Variants in LGSN observed in about 807,000 individuals in gnomAD.
LGSN encodes lengsin.
Under a neutral mutation model 19.5 loss-of-function variants are expected in LGSN, and 21 were observed. The ratio of observed to expected loss-of-function variants is 1.07; its 90% CI spans 0.76 to 1.55. The LOEUF (loss-of-function observed/expected upper bound fraction) is 1.55. LGSN is among the 40% of genes most tolerant of loss of function. LGSN has a pLI of 0.00. For missense variants in LGSN, 673 were observed against 608.5 expected (o/e 1.11, Z -1.12); for synonymous variants, 257 against 215.6 (o/e 1.19, Z -1.68).
the LGSN span, among the ~76,000 whole-genome samples, chr6:63,331,429 C>G: frequency 6.6e-6 from 1 of 152,170 alleles, no homozygotes; most frequent in Non-Finnish European, 1.5e-5. Context: ...AATGAGCCAC[C>G]TCTTTTTCAG....
the LGSN span, among the ~76,000 whole-genome samples, chr6:63,525,902 T>C: frequency 6.6e-6 from 1 of 152,184 alleles, no homozygotes; most frequent in African/African-American, 2.4e-5. Flanking sequence ...TTCTAGTGAG[T>C]TGGGACATTA....
At chr6:63,287,710 A>G (rs571923682) in intron 2 of LGSN, among the ~76,000 whole-genome samples, 8 of 152,006 alleles carry the variant, frequency 5.3e-5, no homozygotes, top group Non-Finnish European at 7.4e-5. Flanking sequence ...TGTCTTAACC[A>G]ATAATAATAA....
the LGSN span, among the ~76,000 whole-genome samples, chr6:63,537,085 A>C: frequency 6.6e-5 from 10 of 152,142 alleles, no homozygotes; most frequent in Non-Finnish European, 1.2e-4. Context: ...TATTTTTAGA[A>C]ACTAAAGTGA....
At chr6:63,421,029 T>C in the LGSN span, among the ~76,000 whole-genome samples, 3 of 145,080 alleles carry the variant, frequency 2.1e-5, no homozygotes, top group East Asian at 4.1e-4. Flanking sequence ...CAGCAGAATG[T>C]GGCTTGGTGA....
the LGSN span, among the ~76,000 whole-genome samples, chr6:63,521,210 C>A: frequency 1.3e-5 from 2 of 151,592 alleles, no homozygotes; most frequent in African/African-American, 2.4e-5. Flanking sequence ...GCACATGTAG[C>A]CCAAAACTTA....
chr6:63,498,167 CT>C, the LGSN span, among the ~76,000 whole-genome samples: 78 of 152,084 alleles, frequency 5.1e-4, no homozygotes, highest in African/African-American at 1.7e-3. Context: ...ATCCACCCGT[CT>C]TGGCCTCCCA....
chr6:63,364,916 T>C, the LGSN span, among the ~76,000 whole-genome samples: 1 of 152,124 alleles, frequency 6.6e-6, no homozygotes, highest in Non-Finnish European at 1.5e-5. Flanking sequence ...TATCAGAATA[T>C]CTGGGACACA....
the LGSN span, among the ~76,000 whole-genome samples, chr6:63,382,981 A>T: frequency 6.6e-6 from 1 of 152,224 alleles, no homozygotes; most frequent in Non-Finnish European, 1.5e-5. Context: ...TTCTAAGTTT[A>T]TGTAAGACCC....
At chr6:63,550,785 C>T in the LGSN span, among the ~76,000 whole-genome samples, 5 of 152,018 alleles carry the variant, frequency 3.3e-5, no homozygotes, top group Admixed American at 6.6e-5. Context: ...CCACCATGCC[C>T]GTCTAATTTT....
At chr6:63,416,922 CATATGTATGTACACA>C in the LGSN span, among the ~76,000 whole-genome samples, 1 of 64,328 alleles carries the variant, frequency 1.6e-5, no homozygotes, top group African/African-American at 7.1e-5. Context: ...TATGTACATA[CATATGTATGTACACA>C]CACACACACA....
the LGSN span, among the ~76,000 whole-genome samples, chr6:63,417,285 A>G: frequency 6.6e-6 from 1 of 152,126 alleles, no homozygotes; most frequent in East Asian, 1.9e-4. Context: ...ACATTCACAA[A>G]ACCAGGCTCA....
At chr6:63,384,307 AG>A in the LGSN span, among the ~76,000 whole-genome samples, 1 of 152,132 alleles carries the variant, frequency 6.6e-6, no homozygotes, top group Non-Finnish European at 1.5e-5. Flanking sequence ...TGTTTTTCCA[AG>A]GATTGGTTTA....
chr6:63,356,319 C>A, the LGSN span, among the ~76,000 whole-genome samples: 1 of 152,128 alleles, frequency 6.6e-6, no homozygotes, highest in Non-Finnish European at 1.5e-5. Context: ...GCAGGAAGAT[C>A]ACGTGAAGTC....
chr6:63,514,850 G>GCCACCA, the LGSN span, among the ~76,000 whole-genome samples: 16 of 151,916 alleles, frequency 1.1e-4, no homozygotes, highest in African/African-American at 3.9e-4. Flanking sequence ...CCAGGCACCA[G>GCCACCA]GCACCACACC....
chr6:63,351,286 C>G, the LGSN span, among the ~76,000 whole-genome samples: 3 of 152,024 alleles, frequency 2.0e-5, no homozygotes, highest in Non-Finnish European at 4.4e-5. Flanking sequence ...TTATCTGCCA[C>G]CCAGTTTATG....
At chr6:63,294,414 A>G (rs749127268) in intron 2 of LGSN, among the ~76,000 whole-genome samples, 1 of 152,092 alleles carries the variant, frequency 6.6e-6, no homozygotes, top group East Asian at 1.9e-4. Flanking sequence ...TATTGTAACC[A>G]TATGCTGGGA....
chr6:63,357,623 A>C, the LGSN span, among the ~76,000 whole-genome samples: 21 of 152,314 alleles, frequency 1.4e-4, no homozygotes, highest in East Asian at 3.5e-3. Flanking sequence ...GGCTGCATAA[A>C]TGTCTTCTTT....
chr6:63,298,464 C>T (rs1056692008), intron 1 of LGSN, among the ~76,000 whole-genome samples: 1 of 152,124 alleles, frequency 6.6e-6, no homozygotes, highest in Non-Finnish European at 1.5e-5. Context: ...AAGGTGTGAA[C>T]TCTGGCTTTC....
chr6:63,344,522 T>C, the LGSN span, among the ~76,000 whole-genome samples: 93 of 152,234 alleles, frequency 6.1e-4, no homozygotes, highest in Non-Finnish European at 9.7e-4. Context: ...ATCCTACTTA[T>C]AGAAGAAGTG....
Sources: gnomAD v4.1 joint callset for allele counts (sites outside exome capture counted in the v4.1 genomes callset) on GRCh38, gnomAD v4.1.1 for gene constraint, MANE v1.5 for transcripts, NCBI Gene and HGNC (gene_info 2026-07-23, HGNC 2026-07-21) for gene names.